CFAP36: variants seen among roughly 807,000 people sequenced by gnomAD.
CFAP36 encodes the protein cilia and flagella associated protein 36, also known as cilia- and flagella-associated protein 36.
Under a neutral mutation model 50.5 loss-of-function variants are expected in CFAP36, and 37 were observed. That is an observed-to-expected ratio of 0.73 (90% CI 0.56 to 0.96). The LOEUF (loss-of-function observed/expected upper bound fraction) is 0.96. Among genes scored for constraint, CFAP36 ranks in the 50% least tolerant of loss-of-function variants. CFAP36 has a pLI of 0.00. For synonymous variants in CFAP36, 138 were observed against 128.2 expected (o/e 1.08, Z -0.52); for missense variants, 407 against 396.2 (o/e 1.03, Z -0.23).
rs1558909222 is a variant in CFAP36, at chr2:55,528,980, CA to C, written c.387del (p.Glu130ArgfsTer10). On this transcript the variant is annotated frameshift_variant, in exon 4 of 10. Transcript: ENST00000349456. LOFTEE classifies it high-confidence loss of function. ...EMQLQAIRII[Q>X]ERNGVLPDCL... Reference sequence around the variant, plus strand: ...GCAGCTGCAAGCCATTCGAATAATTCAAGAGAGAAATGGTAAAATGTTGAAG... The same window carrying C: ...GCAGCTGCAAGCCATTCGAATAATTCAGAGAGAAATGGTAAAATGTTGAAG... 6.2e-7 allele frequency: 1 copy of C among 1,603,006 alleles called. No individual in the cohort carries two copies. Among genetic ancestry groups the C allele is most frequent in the Non-Finnish European group, 8.5e-7 (1 of 1,174,532 alleles).
chr2:55,544,522 A>T (rs1684723279), intron 9 of CFAP36, among the ~76,000 whole-genome samples, 153 bp downstream of exon 9: 1 of 152,180 alleles, frequency 6.6e-6, no homozygotes, highest in African/African-American at 2.4e-5. Flanking sequence ...CTTTTCTAGG[A>T]AGTGAAATTG....
At chr2:55,539,258 G>A (rs1308660637) in intron 7 of CFAP36, 2 of 152,444 alleles carry the variant, frequency 1.3e-5, no homozygotes, top group Non-Finnish European at 2.9e-5. Context: ...AAAATTCTTT[G>A]TGCTCTGCCT....
At chr2:55,520,843 T>C (rs1684044136) in intron 1 of CFAP36, among the ~76,000 whole-genome samples, 1 of 152,154 alleles carries the variant, frequency 6.6e-6, no homozygotes, top group Non-Finnish European at 1.5e-5. Flanking sequence ...GGGAAACAAA[T>C]TTCAGTGAAG....
At position 55,535,740 on chromosome 2, in the gene CFAP36, GAAGA is replaced by G. The variant is rs757514430; in HGVS notation, c.518_521del (p.Glu173GlyfsTer24). On this transcript the variant is annotated frameshift_variant, in exon 6 of 10. Coordinates refer to ENST00000349456, the MANE Select transcript of CFAP36 (RefSeq NM_080667.7). LOFTEE classifies it high-confidence loss of function. Reference sequence around the variant, plus strand: ...ATCAAAAGAGGAATATGACCAGGAAGAAGAAAGGAAGAGGAAAAAACAGGTGCCT... The same window carrying G: ...ATCAAAAGAGGAATATGACCAGGAAGAAGGAAGAGGAAAAAACAGGTGCCT... 4.5e-6 allele frequency: 7 copies of G among 1,546,598 alleles called. No individual in the cohort carries two copies. Among genetic ancestry groups the G allele is most frequent in the Admixed American group, 2.4e-5 (1 of 41,522 alleles).
At chr2:55,528,418 G>A (rs548156234) in intron 3 of CFAP36, among the ~76,000 whole-genome samples, 24 of 149,320 alleles carry the variant, frequency 1.6e-4, no homozygotes, top group African/African-American at 5.7e-4. Flanking sequence ...TTTTTGAGAC[G>A]GAGTCTTGCT....
In CFAP36 at chr2:55,544,339, G is replaced by T; in HGVS notation, c.897G>T (p.Glu299Asp). The change falls in exon 9 of 10, where the codon GAG (glutamate) becomes GAT (aspartate). Residue 299 changes from glutamate to aspartate, a missense_variant. By Grantham distance (45) the Glu-to-Asp change is conservative. Transcript: ENST00000349456. ...GGACTAAACAGATACAAAATATGGA[G>T]CAGAAAGGAAAACCCACTGGGGAGG... The part of the protein sequence containing the change: ...DMRTKQIQNM[E>D]QKGKPTGEVE... The T allele has an allele frequency of 6.2e-7, 1 of 1,613,368 alleles. No individual in the cohort carries two copies. Among genetic ancestry groups the T allele is most frequent in the Non-Finnish European group, 8.5e-7 (1 of 1,179,790 alleles).
rs968325502 is a variant in CFAP36, at chr2:55,537,062, T to G, written c.538-421T>G. On this transcript the variant is annotated intron_variant, in intron 6 of 9. Coordinates refer to ENST00000349456, the MANE Select transcript of CFAP36 (RefSeq NM_080667.7). ...CCGGCCAAAAGTATATACTTTCTTATAAGAGTGTATACTTTATACTTTCTT... is the reference window on the plus strand; with the variant it reads ...CCGGCCAAAAGTATATACTTTCTTAGAAGAGTGTATACTTTATACTTTCTT... Among the ~76,000 whole-genome samples the G allele has an allele frequency of 2.6e-4, 39 of 152,170 alleles. 1 individual carries two copies. Among genetic ancestry groups the G allele is most frequent in the Non-Finnish European group, 4.9e-4 (33 of 68,030 alleles).
chr2:55,544,890 T>C lies in CFAP36; in HGVS notation c.928-17T>C. On this transcript the variant is annotated splice_polypyrimidine_tract_variant and intron_variant, in intron 9 of 9. Transcript: ENST00000349456. ...ACCCTATTTCATACTGTAGCCAATT[T>C]TTTCTTTTTTTTTCAGGAAATGACA... The C allele has an allele frequency of 6.5e-7, 1 of 1,549,978 alleles. No individual in the cohort carries two copies. The highest frequency in any genetic ancestry group is 8.8e-7 in the Non-Finnish European group (1 of 1,142,120).
chr2:55,544,532 G>T (rs986982459), intron 9 of CFAP36, among the ~76,000 whole-genome samples, 163 bp downstream of exon 9: 5 of 152,162 alleles, frequency 3.3e-5, no homozygotes, highest in African/African-American at 1.2e-4. Flanking sequence ...AAGTGAAATT[G>T]TTGTGATAAG....
In CFAP36 at chr2:55,545,074, C is replaced by G. The variant is rs1430446750; in HGVS notation, c.*66C>G. 1 of 954,502 alleles carries G rather than the reference C, an allele frequency of 1.0e-6. No homozygotes were observed. The highest frequency in any genetic ancestry group is 1.7e-5 in the African/African-American group (1 of 59,840). The allele number at this position is 954,502 out of a possible 1,614,324, so 59.1% of individuals were successfully genotyped here. ...TTAAAAATAAATTATTTAGTCCTTA[C>G]ACTGAGCCTTTTAGTTTCGAACACT... On this transcript the variant is annotated 3_prime_UTR_variant, in exon 10 of 10. Coordinates refer to ENST00000349456, the MANE Select transcript of CFAP36 (RefSeq NM_080667.7).
intron 2 of CFAP36, among the ~76,000 whole-genome samples, chr2:55,522,561 T>G (rs1279485261): frequency 2.6e-5 from 4 of 152,168 alleles, no homozygotes; most frequent in Admixed American, 6.5e-5. Context: ...CACAGCCTAT[T>G]GCAGCCTCAA....
Position 55,538,678 on chromosome 2 carries a change from A to T in CFAP36, c.640+1093A>T, listed in dbSNP as rs1684556807. The T allele has an allele frequency of 4.4e-6, 5 of 1,126,962 alleles. No homozygotes were observed. The South Asian group carries it at 7.6e-5, about 17-fold the overall frequency. 69.8% of individuals were successfully genotyped at this position (1,126,962 alleles called of 1,614,324 possible). ...GCTGGGTCTCAAACTCCTGGCCTCA[A>T]GTGATCCTCCTGCCTCAGCCTCCCA... On this transcript the variant is annotated intron_variant, in intron 7 of 9. Transcript: ENST00000349456.
At chr2:55,523,882 C>G in intron 3 of CFAP36, 60 bp downstream of exon 3, 1 of 1,035,676 alleles carries the variant, frequency 9.7e-7, no homozygotes, top group Non-Finnish European at 1.4e-6. Flanking sequence ...GGGTTAAACA[C>G]TCACTTAAAT....
chr2:55,526,614 C>T (rs1684214582), intron 3 of CFAP36, among the ~76,000 whole-genome samples: 1 of 152,020 alleles, frequency 6.6e-6, no homozygotes, highest in Non-Finnish European at 1.5e-5. Flanking sequence ...GCTAATTTTT[C>T]AGTTGTTTTG....
At chr2:55,541,739 T>C (rs1684643966) in intron 7 of CFAP36, among the ~76,000 whole-genome samples, 1 of 152,222 alleles carries the variant, frequency 6.6e-6, no homozygotes, top group South Asian at 2.1e-4. Flanking sequence ...TAGTATGATG[T>C]TGAATCAGAA....
chr2:55,538,349 C>CAATG (rs951246345), intron 7 of CFAP36, among the ~76,000 whole-genome samples: 2 of 144,512 alleles, frequency 1.4e-5, no homozygotes, highest in African/African-American at 5.2e-5. Context: ...GGCTAGAGTG[C>CAATG]AATGGTGTGA....
intron 3 of CFAP36, among the ~76,000 whole-genome samples, chr2:55,527,890 C>T (rs1684251274): frequency 1.3e-5 from 2 of 151,840 alleles, no homozygotes; most frequent in Admixed American, 1.3e-4. Flanking sequence ...CACATGTGGG[C>T]CAGGCATGGT....
chr2:55,519,757 G>A lies in CFAP36; in HGVS notation c.-45G>A, dbSNP rs974295889. ...TGGCCCAAAGGCCTAACCGGGGTCCGGCGGTCTGGCCTAGGGATCTTCCCC... is the reference window on the plus strand; with the variant it reads ...TGGCCCAAAGGCCTAACCGGGGTCCAGCGGTCTGGCCTAGGGATCTTCCCC... On this transcript the variant is annotated 5_prime_UTR_variant, in exon 1 of 10. Transcript: ENST00000349456. 6.3e-7 allele frequency: 1 copy of A among 1,599,472 alleles called. No individual in the cohort carries two copies. The highest frequency in any genetic ancestry group is 8.6e-7 in the Non-Finnish European group (1 of 1,167,258).
At chr2:55,542,071 T>C (rs1420313896) in intron 7 of CFAP36, among the ~76,000 whole-genome samples, 1 of 152,230 alleles carries the variant, frequency 6.6e-6, no homozygotes, top group Non-Finnish European at 1.5e-5. Flanking sequence ...ATGATATATA[T>C]GAAAGCTCCT....
Sources: gnomAD v4.1 joint callset for allele counts (sites outside exome capture counted in the v4.1 genomes callset) on GRCh38, gnomAD v4.1.1 for gene constraint, MANE v1.5 for transcripts, NCBI Gene and HGNC (gene_info 2026-07-23, HGNC 2026-07-21) for gene names.